AGBL1: variants seen among roughly 807,000 people sequenced by gnomAD.
AGBL1 encodes the protein cytosolic carboxypeptidase 4.
AGBL1 carries 130 observed loss-of-function variants against 118.9 expected under a neutral mutation model. That is an observed-to-expected ratio of 1.09 (90% confidence interval 0.95 to 1.26). The LOEUF (loss-of-function observed/expected upper bound fraction) is 1.26. Ranked by LOEUF, AGBL1 falls within the 50% of genes most tolerant of loss-of-function variation. The pLI is 0.00. For missense variants in AGBL1, 1,584 were observed against 1,298.1 expected, an observed-to-expected ratio of 1.22 and a Z score of -3.38; for synonymous variants, 555 against 478.9, an observed-to-expected ratio of 1.16 and a Z score of -2.08.
intron 18 of AGBL1, among the ~76,000 whole-genome samples, chr15:86,461,714 C>T (rs560087930): frequency 9.7e-4 from 147 of 152,178 alleles, no homozygotes; most frequent in Admixed American, 1.8e-3. Context: ...AAACACAAAC[C>T]ATCAAATGTG....
chr15:86,524,896 G>C (rs1208041199), intron 19 of AGBL1, among the ~76,000 whole-genome samples: 1 of 152,094 alleles, frequency 6.6e-6, no homozygotes, highest in Admixed American at 6.6e-5. Flanking sequence ...GAAAGTCCTA[G>C]CCAGAGCAAT....
chr15:86,183,529 GT>G (rs991394095), intron 5 of AGBL1, among the ~76,000 whole-genome samples: 29 of 152,236 alleles, frequency 1.9e-4, no homozygotes, highest in African/African-American at 6.3e-4. Context: ...AGCATGATGA[GT>G]TTTTTCCTCA....
At chr15:86,647,363 A>G (rs1206404780) in intron 21 of AGBL1, among the ~76,000 whole-genome samples, 1 of 152,226 alleles carries the variant, frequency 6.6e-6, no homozygotes, top group Non-Finnish European at 1.5e-5. Context: ...GAATACACCA[A>G]TGAACAAAAC....
Position 86,324,504 on chromosome 15 carries a change from CGGCATTCATTCATTAGTTTATAT to C in AGBL1, c.2374+29109_2374+29131del, listed in dbSNP as rs1017946163. ...GCCTGCATTCATTCATTAGTTTATA[CGGCATTCATTCATTAGTTTATAT>C]GGCATTCATTCAACCAATTTGTATT... is the stretch of plus-strand genomic sequence containing the variant. On this transcript the variant is annotated intron_variant, in intron 17 of 22. Transcript: ENST00000614907. Among the ~76,000 whole-genome samples the C allele has an allele frequency of 2.5e-4, 38 of 150,864 alleles. No individual in the cohort carries two copies. The South Asian group carries it at 7.7e-3, about 30-fold the overall frequency.
intron 18 of AGBL1, among the ~76,000 whole-genome samples, chr15:86,447,397 C>T (rs142113617): frequency 1.3e-5 from 2 of 152,254 alleles, no homozygotes; most frequent in Non-Finnish European, 2.9e-5. Flanking sequence ...TGGGCACTGC[C>T]ATGTGTAGCC....
At chr15:86,933,024 A>C (rs2080624182) in intron 23 of AGBL1, 1 of 152,234 alleles carries the variant, frequency 6.6e-6, no homozygotes, top group Non-Finnish European at 1.5e-5. Context: ...AGTTGAATAA[A>C]TAATAATAGA....
intron 17 of AGBL1, among the ~76,000 whole-genome samples, chr15:86,393,818 C>A (rs190432388): frequency 1.1e-3 from 168 of 152,172 alleles, no homozygotes; most frequent in African/African-American, 3.9e-3. Flanking sequence ...GTGATGGTGT[C>A]AGAAGGTGGA....
intron 15 of AGBL1, among the ~76,000 whole-genome samples, chr15:86,275,181 G>C (rs1276660592): frequency 1.3e-5 from 2 of 152,214 alleles, no homozygotes; most frequent in African/African-American, 2.4e-5. Flanking sequence ...CTGAAGGGCA[G>C]AGGGAGGGAA....
At chr15:86,309,052 A>G (rs2079882594) in intron 17 of AGBL1, among the ~76,000 whole-genome samples, 1 of 152,154 alleles carries the variant, frequency 6.6e-6, no homozygotes, top group Admixed American at 6.5e-5. Context: ...CAACCCATGA[A>G]CATGGTATAC....
intron 23 of AGBL1, among the ~76,000 whole-genome samples, chr15:86,951,129 A>G (rs1156991298): frequency 6.6e-6 from 1 of 152,148 alleles, no homozygotes; most frequent in Non-Finnish European, 1.5e-5. Context: ...TCAAAAGTCA[A>G]TGAGGGTGTG....
intron 5 of AGBL1, among the ~76,000 whole-genome samples, chr15:86,197,010 C>A (rs1158181092): frequency 1.3e-5 from 2 of 152,054 alleles, no homozygotes; most frequent in Non-Finnish European, 2.9e-5. Context: ...CCCTGCCAGA[C>A]CTTCTAGCCT....
At chr15:86,445,355 C>T (rs1439774105) in intron 18 of AGBL1, among the ~76,000 whole-genome samples, 1 of 152,232 alleles carries the variant, frequency 6.6e-6, no homozygotes, top group East Asian at 1.9e-4. Context: ...TGGATTATAA[C>T]AGGAAATACC....
intron 22 of AGBL1, among the ~76,000 whole-genome samples, chr15:86,745,643 C>T (rs1254425241): frequency 2.0e-5 from 3 of 151,960 alleles, no homozygotes; most frequent in Non-Finnish European, 4.4e-5. Context: ...ATTTAAATCC[C>T]ACCTCCCGAT....
intron 21 of AGBL1, among the ~76,000 whole-genome samples, chr15:86,573,199 G>T (rs945897930): frequency 5.9e-5 from 9 of 152,194 alleles, no homozygotes; most frequent in African/African-American, 2.2e-4. Flanking sequence ...GCAGATAATA[G>T]CCATTTCATC....
At position 86,827,468 on chromosome 15, in the gene AGBL1, T is replaced by TAC. The variant is rs1435470703; in HGVS notation, c.3159-79617_3159-79616dup. Among the ~76,000 whole-genome samples the TAC allele has an allele frequency of 3.7e-3, 39 of 10,548 alleles. 6 individuals carry two copies. The highest frequency in any genetic ancestry group is 0.027 in the African/African-American group (38 of 1,406). The allele number at this position is 10,548 out of a possible 152,430, so 6.9% of individuals were successfully genotyped here. A position where few individuals can be genotyped will look rare whatever the true frequency, so the allele number is the denominator to read the frequency against. ...GTGTGTGTATATATATATATATATA[T>TAC]ACATATATATATATATGTGTGTATA... On this transcript the variant is annotated intron_variant, in intron 22 of 22. Transcript: ENST00000614907.
At chr15:86,519,337 A>G (rs1348911470) in intron 18 of AGBL1, among the ~76,000 whole-genome samples, 3 of 152,198 alleles carry the variant, frequency 2.0e-5, no homozygotes, top group African/African-American at 7.2e-5. Context: ...CACTGAATTT[A>G]TTGCCAGCCA....
chr15:86,377,592 A>G (rs2081057489), intron 17 of AGBL1, among the ~76,000 whole-genome samples: 1 of 152,180 alleles, frequency 6.6e-6, no homozygotes, highest in Non-Finnish European at 1.5e-5. Context: ...TTCTCTCATT[A>G]CATTTTGTGT....
chr15:86,794,092 C>G (rs2078536443), intron 22 of AGBL1, among the ~76,000 whole-genome samples: 1 of 152,168 alleles, frequency 6.6e-6, no homozygotes, highest in Non-Finnish European at 1.5e-5. Context: ...AGCAATTCCA[C>G]TCCTAGAAAT....
In AGBL1 at chr15:86,457,390, T is replaced by A. The variant is rs1219460020; in HGVS notation, c.2555+59844T>A. The stretch of plus-strand genomic sequence containing the variant: ...TTCACTCAACAGGTTCGTCGCAGCC[T>A]CTGCACCCAAGACCCCGCTGGGAGC... On this transcript the variant is annotated intron_variant, in intron 18 of 22. Coordinates refer to ENST00000614907, the MANE Select transcript of AGBL1 (RefSeq NM_001386094.1). Among the ~76,000 whole-genome samples, 3 of 152,298 alleles carry A rather than the reference T, an allele frequency of 2.0e-5. 1 individual carries two copies. The East Asian group carries it at 5.8e-4, about 29-fold the overall frequency.
Sources: allele counts gnomAD v4.1 joint callset (sites outside exome capture counted in the v4.1 genomes callset), GRCh38; gene constraint gnomAD v4.1.1; transcripts MANE v1.5; gene names NCBI Gene and HGNC (gene_info 2026-07-23, HGNC 2026-07-21).